PHACTR3: variants seen among roughly 807,000 people sequenced by gnomAD.
The protein encoded by PHACTR3 is phosphatase and actin regulator 3.
In PHACTR3, 16 loss-of-function variants were observed where a neutral mutation model predicts 66.8. That is an observed-to-expected ratio of 0.24 (90% confidence interval 0.16 to 0.36). The LOEUF (loss-of-function observed/expected upper bound fraction) is 0.36, where lower values mean the gene tolerates loss of function less well. PHACTR3 is among the 10% of genes least tolerant of loss of function. PHACTR3 has a pLI of 1.00. For synonymous variants in PHACTR3, 323 were observed against 292.1 expected (o/e 1.11, Z -1.08); for missense variants, 647 against 719.9 (o/e 0.90, Z 1.16).
intron 1 of PHACTR3, among the ~76,000 whole-genome samples, chr20:59,622,992 A>AAAAAAAAAAAAAAACAAAAAC (rs1371507011): frequency 6.9e-6 from 1 of 145,178 alleles, no homozygotes; most frequent in Non-Finnish European, 1.5e-5. Context: ...AAAAAAAAAA[A>AAAAAAAAAAAAAAACAAAAAC]AAAAAAAAAC....
At chr20:59,737,997 A>G (rs969452776) in intron 1 of PHACTR3, among the ~76,000 whole-genome samples, 8 of 152,090 alleles carry the variant, frequency 5.3e-5, no homozygotes, top group African/African-American at 1.9e-4. Flanking sequence ...CTAGGGCAGA[A>G]GTGGGGGGAG....
chr20:59,669,220 T>G (rs756324137), intron 1 of PHACTR3, among the ~76,000 whole-genome samples: 4 of 152,168 alleles, frequency 2.6e-5, no homozygotes, highest in Non-Finnish European at 5.9e-5. Flanking sequence ...GAGCCCTCAG[T>G]GTGACCCCCG....
At chr20:59,751,556 G>T (rs2039583776) in intron 3 of PHACTR3, among the ~76,000 whole-genome samples, 2 of 152,122 alleles carry the variant, frequency 1.3e-5, no homozygotes, top group South Asian at 4.1e-4. Flanking sequence ...GCCGGACTCT[G>T]GGCAGGGCCA....
At chr20:59,745,739 G>C (rs1021969890) in intron 2 of PHACTR3, among the ~76,000 whole-genome samples, 2 of 152,208 alleles carry the variant, frequency 1.3e-5, no homozygotes, top group Non-Finnish European at 2.9e-5. Flanking sequence ...GGGTGGACCA[G>C]CATCTCAGTC....
intron 1 of PHACTR3, among the ~76,000 whole-genome samples, chr20:59,615,970 A>G (rs1403871044): frequency 6.6e-6 from 1 of 152,064 alleles, no homozygotes; most frequent in African/African-American, 2.4e-5. Flanking sequence ...TCACCTTGGA[A>G]TCTCCTGCCA....
intron 1 of PHACTR3, among the ~76,000 whole-genome samples, chr20:59,700,860 G>T (rs1322643794): frequency 1.3e-5 from 2 of 152,156 alleles, no homozygotes; most frequent in African/African-American, 4.8e-5. Context: ...CACAATTATG[G>T]CTCTTTGCAG....
intron 1 of PHACTR3, among the ~76,000 whole-genome samples, chr20:59,677,022 G>A (rs2036472748): frequency 6.6e-6 from 1 of 152,022 alleles, no homozygotes; most frequent in African/African-American, 2.4e-5. Flanking sequence ...TGGGTTTCTG[G>A]CACAGAGTCC....
chr20:59,678,637 C>A (rs146483784), intron 1 of PHACTR3, among the ~76,000 whole-genome samples: 1 of 152,168 alleles, frequency 6.6e-6, no homozygotes, highest in Non-Finnish European at 1.5e-5. Flanking sequence ...CAGAGCTTAC[C>A]GTGTTTTGTA....
At chr20:59,585,768 C>A (rs906487065) in intron 1 of PHACTR3, among the ~76,000 whole-genome samples, 2 of 152,198 alleles carry the variant, frequency 1.3e-5, no homozygotes, top group African/African-American at 4.8e-5. Flanking sequence ...GAGGCCCTTG[C>A]GGCTCACAGG....
At chr20:59,841,624 G>A in intron 11 of PHACTR3, 89 bp downstream of exon 11, 1 of 1,391,480 alleles carries the variant, frequency 7.2e-7, no homozygotes, top group Non-Finnish European at 9.7e-7. Context: ...ATAGACAATG[G>A]GAGCCCTCAA....
chr20:59,688,170 A>G (rs2036968807), intron 1 of PHACTR3, among the ~76,000 whole-genome samples: 1 of 152,224 alleles, frequency 6.6e-6, no homozygotes, highest in South Asian at 2.1e-4. Context: ...TTTCTTTAAT[A>G]GATAATTTAG....
chr20:59,672,244 T>C (rs1227151178), intron 1 of PHACTR3, among the ~76,000 whole-genome samples: 1 of 152,234 alleles, frequency 6.6e-6, no homozygotes, highest in East Asian at 1.9e-4. Flanking sequence ...ATGTCAGTAT[T>C]GCTGAGGCTG....
intron 1 of PHACTR3, among the ~76,000 whole-genome samples, chr20:59,618,738 G>C (rs1184928093): frequency 6.6e-6 from 1 of 151,664 alleles, no homozygotes; most frequent in African/African-American, 2.4e-5. Context: ...CCCTGAGCAG[G>C]GCCGAGAGCC....
chr20:59,678,213 C>T (rs1247040188), intron 1 of PHACTR3, among the ~76,000 whole-genome samples: 1 of 152,100 alleles, frequency 6.6e-6, no homozygotes, highest in East Asian at 1.9e-4. Flanking sequence ...AGCCCTGAGT[C>T]TATATTATAC....
At chr20:59,754,368 C>A (rs563058038) in intron 3 of PHACTR3, among the ~76,000 whole-genome samples, 4 of 152,312 alleles carry the variant, frequency 2.6e-5, no homozygotes, top group Admixed American at 2.6e-4. Context: ...GACCTAGGGA[C>A]CCCCGGCTCT....
At position 59,836,527 on chromosome 20, in the gene PHACTR3, G is replaced by A. The variant is rs200460959; in HGVS notation, c.1351G>A (p.Val451Met). 120 of 1,610,630 alleles carry A rather than the reference G, an allele frequency of 7.5e-5. No homozygotes were observed. The highest frequency in any genetic ancestry group is 3.0e-4 in the Admixed American group (18 of 59,032). Reference protein sequence around the residue: ...LSKRLSQRPAVEELERRNILK... With the variant: ...LSKRLSQRPAMEELERRNILK... The stretch of plus-strand genomic sequence containing the variant: ...CAGACGGCTGAGCCAAAGACCTGCC[G>A]TGGAAGAGCTGGAGAGAAGAAATAT... Residue 451 changes from valine (V) to methionine (M), a missense_variant, in exon 9 of 13, where the codon GTG becomes ATG. By Grantham distance (21) the Val-to-Met change is conservative (BLOSUM62 1). This residue lies in a region of PHACTR3 where 70 missense variants were observed against 148.8 expected (regional missense o/e 0.47). Transcript: ENST00000371015.
rs191830683 is a variant in PHACTR3, at chr20:59,688,280, A to G, written c.119-54827A>G. The stretch of plus-strand genomic sequence containing the variant: ...TGAAAGTGGTACAAGACAAATTTGC[A>G]GAGAACTCTAGTGGAAGGCAGGATA... On this transcript the variant is annotated intron_variant, in intron 1 of 12. Transcript: ENST00000371015. Among the ~76,000 whole-genome samples, 22 of 152,350 alleles carry G rather than the reference A, an allele frequency of 1.4e-4. No individual in the cohort carries two copies. The East Asian group carries it at 4.0e-3, about 28-fold the overall frequency.
At chr20:59,708,022 A>C (rs1362553189) in intron 1 of PHACTR3, among the ~76,000 whole-genome samples, 1 of 152,236 alleles carries the variant, frequency 6.6e-6, no homozygotes, top group Non-Finnish European at 1.5e-5. Flanking sequence ...AAGTCCTGGA[A>C]TGGATTCTCA....
intron 1 of PHACTR3, among the ~76,000 whole-genome samples, chr20:59,616,079 CTG>C (rs2034014824): frequency 1.3e-5 from 2 of 152,198 alleles, no homozygotes; most frequent in South Asian, 4.1e-4. Flanking sequence ...CCTGGGTTCA[CTG>C]TGTGGCTTTG....
Sources: gnomAD v4.1 joint callset for allele counts (sites outside exome capture counted in the v4.1 genomes callset) on GRCh38, gnomAD v4.1.1 for gene constraint, gnomAD v4.1.1 regional missense constraint, MANE v1.5 for transcripts, NCBI Gene and HGNC (gene_info 2026-07-23, HGNC 2026-07-21) for gene names.